The following TTLL5 variants were observed in gnomAD, a reference collection of about 807,000 sequenced individuals.
TTLL5 encodes the protein tubulin tyrosine ligase like 5.
A neutral mutation model predicts 168.4 loss-of-function variants in TTLL5; 132 were observed. The ratio of observed to expected loss-of-function variants is 0.78; its 90% CI spans 0.68 to 0.91. The LOEUF (loss-of-function observed/expected upper bound fraction) is 0.91. Ranked by LOEUF, TTLL5 falls within the 40% of genes least tolerant of loss-of-function variation. TTLL5 has a pLI of 0.00. For missense variants in TTLL5, 1,545 were observed against 1,581.5 expected (o/e 0.98, Z 0.39); for synonymous variants, 546 against 558.6 (o/e 0.98, Z 0.32).
At chr14:75,763,153 C>A (rs1306042641) in intron 18 of TTLL5, among the ~76,000 whole-genome samples, 1 of 152,016 alleles carries the variant, frequency 6.6e-6, no homozygotes, top group Non-Finnish European at 1.5e-5. Context: ...GTTAGCCAGA[C>A]ATTATTGAAT....
At chr14:75,868,658 A>G (rs2030739366) in intron 29 of TTLL5, among the ~76,000 whole-genome samples, 1 of 152,224 alleles carries the variant, frequency 6.6e-6, no homozygotes, top group Admixed American at 6.5e-5. Context: ...GTGTGTATAT[A>G]CACAATCCCA....
intron 31 of TTLL5, among the ~76,000 whole-genome samples, chr14:75,919,811 C>T (rs185517812): frequency 3.2e-4 from 49 of 152,180 alleles, no homozygotes; most frequent in Admixed American, 5.9e-4. Flanking sequence ...TGTGCTTCAA[C>T]GGATACCACC....
intron 30 of TTLL5, among the ~76,000 whole-genome samples, chr14:75,901,181 A>G (rs903225031): frequency 6.6e-6 from 1 of 152,242 alleles, no homozygotes; most frequent in Admixed American, 6.5e-5. Flanking sequence ...AAAAAAATTT[A>G]TAAATATTTG....
At chr14:75,798,819 C>A (rs1284006964) in intron 27 of TTLL5, among the ~76,000 whole-genome samples, 1 of 152,080 alleles carries the variant, frequency 6.6e-6, no homozygotes, top group Non-Finnish European at 1.5e-5. Flanking sequence ...ACATTGTGGT[C>A]TGAGAGAATA....
In TTLL5 at chr14:75,926,059, ACCGTGGGCCGTGGG is replaced by A. The variant is rs556290161; in HGVS notation, c.3823+23850_3823+23863del. On this transcript the variant is annotated intron_variant, in intron 31 of 31. Coordinates refer to ENST00000298832, the MANE Select transcript of TTLL5 (RefSeq NM_015072.5). ...ACCGGGGAAAGAGAGGGAGAGGGAG[ACCGTGGGCCGTGGG>A]CCGTGGGCCGTGGGGAGAGGGAGAG... 1.6e-3 allele frequency among the ~76,000 whole-genome samples: 237 copies of A among 144,790 alleles called. 2 individuals are homozygous for A. The highest frequency in any genetic ancestry group is 5.6e-3 in the African/African-American group (209 of 37,604). The allele number at this position is 144,790 out of a possible 152,430, so 95.0% of individuals were successfully genotyped here. A position where few individuals can be genotyped will look rare whatever the true frequency, so the allele number is the denominator to read the frequency against.
intron 28 of TTLL5, among the ~76,000 whole-genome samples, chr14:75,856,497 A>G (rs1897131755): frequency 1.3e-5 from 2 of 152,166 alleles, no homozygotes; most frequent in South Asian, 4.1e-4. Context: ...ATATCTTTGT[A>G]CTTATGTAGG....
At chr14:75,928,354 T>TATATATATATATATATATATATATATAG (rs1444757221) in intron 31 of TTLL5, among the ~76,000 whole-genome samples, 1 of 126,900 alleles carries the variant, frequency 7.9e-6, no homozygotes, top group African/African-American at 3.6e-5. Context: ...TATATATATA[T>TATATATATATATATATATATATATATAG]ATATATATAT....
intron 26 of TTLL5, 97 bp from the exon 27 acceptor site, chr14:75,792,819 A>T: frequency 9.5e-7 from 1 of 1,049,544 alleles, no homozygotes; most frequent in Admixed American, 3.0e-5. Flanking sequence ...CTTAGGGTTC[A>T]GTAAAGTATC....
At chr14:75,690,509 TGTCA>T (rs2140137191) in intron 6 of TTLL5, among the ~76,000 whole-genome samples, 187 bp downstream of exon 6, 1 of 152,334 alleles carries the variant, frequency 6.6e-6, no homozygotes, top group African/African-American at 2.4e-5. Flanking sequence ...TCAGTAAACT[TGTCA>T]GTATCATTTA....
chr14:75,954,235 A>AGAGT (rs2035045539), intron 31 of TTLL5, among the ~76,000 whole-genome samples, 189 bp from the exon 32 acceptor site: 1 of 139,550 alleles, frequency 7.2e-6, no homozygotes, highest in South Asian at 2.5e-4. Context: ...CCTGGGCGAC[A>AGAGT]GAGTGAGACT....
At chr14:75,932,973 C>G (rs149478841) in intron 31 of TTLL5, among the ~76,000 whole-genome samples, 19 of 152,302 alleles carry the variant, frequency 1.2e-4, no homozygotes, top group African/African-American at 4.1e-4. Context: ...TACACTGATT[C>G]ATTTGTAGCA....
intron 20 of TTLL5, among the ~76,000 whole-genome samples, chr14:75,770,193 A>AAG (rs1555344220): frequency 3.3e-5 from 5 of 151,336 alleles, no homozygotes; most frequent in African/African-American, 7.3e-5. Context: ...AAAAAAAAAA[A>AAG]AAAAAGAAAA....
intron 30 of TTLL5, among the ~76,000 whole-genome samples, chr14:75,886,038 G>C (rs936875768): frequency 1.3e-5 from 2 of 152,168 alleles, no homozygotes; most frequent in Non-Finnish European, 2.9e-5. Context: ...GTTATGACTG[G>C]TGATACTGAG....
chr14:75,713,073 A>G (rs1456345666), intron 9 of TTLL5, among the ~76,000 whole-genome samples: 1 of 152,196 alleles, frequency 6.6e-6, no homozygotes, highest in Non-Finnish European at 1.5e-5. Context: ...TGATCTCATT[A>G]AGAGGGAGAT....
chr14:75,758,918 C>T (rs1332244363), intron 18 of TTLL5, among the ~76,000 whole-genome samples: 2 of 152,010 alleles, frequency 1.3e-5, no homozygotes, highest in Non-Finnish European at 2.9e-5. Flanking sequence ...TAAATGCTTA[C>T]CTTGGAAAAT....
chr14:75,906,570 C>T lies in TTLL5; in HGVS notation c.3823+4346C>T, dbSNP rs573021787. On this transcript the variant is annotated intron_variant, in intron 31 of 31. Coordinates refer to ENST00000298832, the MANE Select transcript of TTLL5 (RefSeq NM_015072.5). ...CATTTTTCAGGATCTTTGGATACTC[C>T]CCAAGTTATTTTCGCCACATCCAAA... 2.4e-4 allele frequency: 240 copies of T among 985,810 alleles called. No homozygotes were observed. In the Middle Eastern group the frequency reaches 5.7e-3, roughly 24 times the overall value. 61.1% of individuals were successfully genotyped at this position (985,810 alleles called of 1,614,324 possible). A position where few individuals can be genotyped will look rare whatever the true frequency, so the allele number is the denominator to read the frequency against.
At chr14:75,741,541 T>A (rs1191158980) in intron 15 of TTLL5, among the ~76,000 whole-genome samples, 4 of 151,520 alleles carry the variant, frequency 2.6e-5, no homozygotes, top group Non-Finnish European at 5.9e-5. Context: ...TTTTTTTTTT[T>A]AACTTTGCTT....
At chr14:75,847,152 C>T (rs752547195) in intron 28 of TTLL5, among the ~76,000 whole-genome samples, 3 of 151,934 alleles carry the variant, frequency 2.0e-5, no homozygotes, top group Admixed American at 6.6e-5. Flanking sequence ...TAGGTGCCCA[C>T]CACCACACCT....
chr14:75,920,930 G>A (rs2033804899), intron 31 of TTLL5, among the ~76,000 whole-genome samples: 1 of 152,224 alleles, frequency 6.6e-6, no homozygotes, highest in African/African-American at 2.4e-5. Flanking sequence ...ATTGACATGA[G>A]ATGGTATCTC....
Sources: gnomAD v4.1 joint callset for allele counts (sites outside exome capture counted in the v4.1 genomes callset) on GRCh38, gnomAD v4.1.1 for gene constraint, MANE v1.5 for transcripts, NCBI Gene and HGNC (gene_info 2026-07-23, HGNC 2026-07-21) for gene names.